The following PREPL variants were observed in gnomAD, a reference collection of about 807,000 sequenced individuals.
The protein encoded by PREPL is prolyl endopeptidase like.
Under a neutral mutation model 70.6 loss-of-function variants are expected in PREPL, and 77 were observed. The ratio of observed to expected loss-of-function variants is 1.09; its 90% CI spans 0.91 to 1.32. The LOEUF (loss-of-function observed/expected upper bound fraction) is 1.32, where lower values mean the gene tolerates loss of function less well. Ranked by LOEUF, PREPL falls within the 40% of genes most tolerant of loss-of-function variation. The probability of loss-of-function intolerance (pLI) is 0.00; values close to 1 mark genes in which losing one functional copy is unlikely to be tolerated. For synonymous variants in PREPL, 315 were observed against 264.8 expected (o/e 1.19, Z -1.84); for missense variants, 1,002 against 778.2 (o/e 1.29, Z -3.42).
chr2:44,321,987 G>C, intron 12 of PREPL, 87 bp from the exon 13 acceptor site: 1 of 1,339,356 alleles, frequency 7.5e-7, no homozygotes, highest in Non-Finnish European at 1.0e-6. Context: ...TCTTCTTTGA[G>C]TACTCAGTTC....
At position 44,321,224 on chromosome 2, in the gene PREPL, A is replaced by T; in HGVS notation, c.*132T>A. On this transcript the variant is annotated 3_prime_UTR_variant, in exon 14 of 14. Transcript: ENST00000409411. The stretch of plus-strand genomic sequence containing the variant: ...GAGATGTAGACTAAGCAAAATTTAG[A>T]TGGAGAAGCACATTTTAAAAAATTA... 2.5e-6 allele frequency: 2 copies of T among 790,700 alleles called. No homozygotes were observed. The highest frequency in any genetic ancestry group is 3.8e-5 in the South Asian group (2 of 52,522). 49.0% of individuals were successfully genotyped at this position (790,700 alleles called of 1,614,324 possible).
rs559285849 is a variant in PREPL at position 44,321,207 on chromosome 2, G to C, written c.*149C>G. The C allele has an allele frequency of 3.6e-5, 25 of 701,148 alleles. No homozygotes were observed. Among genetic ancestry groups the C allele is most frequent in the Admixed American group, 2.3e-4 (8 of 35,034 alleles). The allele number at this position is 701,148 out of a possible 1,614,324, so 43.4% of individuals were successfully genotyped here. A position where few individuals can be genotyped will look rare whatever the true frequency, so the allele number is the denominator to read the frequency against. On this transcript the variant is annotated 3_prime_UTR_variant, in exon 14 of 14. Coordinates refer to ENST00000409411, the MANE Select transcript of PREPL (RefSeq NM_001171613.2). ...GAATAGTATAAGCAAGTGAGATGTAGACTAAGCAAAATTTAGATGGAGAAG... is the reference window on the plus strand; with the variant it reads ...GAATAGTATAAGCAAGTGAGATGTACACTAAGCAAAATTTAGATGGAGAAG...
chr2:44,351,296 C>A (rs1041210955), intron 1 of PREPL, among the ~76,000 whole-genome samples: 1 of 152,042 alleles, frequency 6.6e-6, no homozygotes, highest in Non-Finnish European at 1.5e-5. Flanking sequence ...CTCTTCTTTG[C>A]AGTCTGCACT....
intron 4 of PREPL, 50 bp downstream of exon 4, chr2:44,343,695 G>A: frequency 6.6e-7 from 1 of 1,524,966 alleles, no homozygotes; most frequent in Non-Finnish European, 9.1e-7. Flanking sequence ...TGTTTCAAAA[G>A]TGTTACCGTT....
chr2:44,354,306 T>A (rs532650195), intron 1 of PREPL, among the ~76,000 whole-genome samples: 1 of 152,218 alleles, frequency 6.6e-6, no homozygotes, highest in African/African-American at 2.4e-5. Flanking sequence ...TATAAACACG[T>A]TGCTTATCTA....
At chr2:44,359,433 C>G (rs903937317) in intron 1 of PREPL, 9 of 1,246,586 alleles carry the variant, frequency 7.2e-6, no homozygotes, top group Non-Finnish European at 1.0e-5. Flanking sequence ...TCTACCCATT[C>G]TTTATTTTTA....
At chr2:44,341,064 G>A (rs994220675) in intron 5 of PREPL, among the ~76,000 whole-genome samples, 6 of 151,636 alleles carry the variant, frequency 4.0e-5, no homozygotes, top group South Asian at 2.1e-4. Context: ...TTACGTAATC[G>A]AGACTGCTAC....
intron 3 of PREPL, 54 bp downstream of exon 3, chr2:44,344,465 TA>T (rs1268781700): frequency 6.1e-5 from 75 of 1,238,172 alleles, no homozygotes; most frequent in East Asian, 3.3e-4. Context: ...AAATTTCCTA[TA>T]AAAAATATGA....
chr2:44,359,033 T>C (rs994210978), intron 1 of PREPL, among the ~76,000 whole-genome samples: 2 of 151,734 alleles, frequency 1.3e-5, no homozygotes, highest in Admixed American at 1.3e-4. Context: ...CATTTTTATA[T>C]ATTACATTAG....
chr2:44,327,637 G>T (rs1341963624), intron 9 of PREPL, among the ~76,000 whole-genome samples: 1 of 152,124 alleles, frequency 6.6e-6, no homozygotes, highest in African/African-American at 2.4e-5. Flanking sequence ...GAGGTGAGCA[G>T]GTCACTTGAG....
chr2:44,358,228 G>C (rs1486576990), intron 1 of PREPL, among the ~76,000 whole-genome samples: 2 of 152,120 alleles, frequency 1.3e-5, no homozygotes, highest in Non-Finnish European at 2.9e-5. Flanking sequence ...ACTATAAAAA[G>C]AAATGAAGTT....
intron 12 of PREPL, among the ~76,000 whole-genome samples, 155 bp downstream of exon 12, chr2:44,322,576 T>A (rs891519346): frequency 6.6e-6 from 1 of 152,212 alleles, no homozygotes; most frequent in African/African-American, 2.4e-5. Context: ...TGTAGTTACG[T>A]ACACTTTAAC....
At position 44,336,699 on chromosome 2, in the gene PREPL, C is replaced by T. The variant is rs142458413; in HGVS notation, c.888+1652G>A. Among the ~76,000 whole-genome samples the T allele has an allele frequency of 5.9e-3, 898 of 152,088 alleles. 12 individuals are homozygous for T. Among genetic ancestry groups the T allele is most frequent in the African/African-American group, 0.02 (843 of 41,492 alleles). On this transcript the variant is annotated intron_variant, in intron 7 of 13. Transcript: ENST00000409411. ...AGTAAAAGTTAAAAAAAAAGAAATGCTATCTAAAATAATAATATTAAAATT... is the reference window on the plus strand; with the variant it reads ...AGTAAAAGTTAAAAAAAAAGAAATGTTATCTAAAATAATAATATTAAAATT...
chr2:44,324,317 T>C (rs1384507181), intron 10 of PREPL, among the ~76,000 whole-genome samples: 1 of 152,176 alleles, frequency 6.6e-6, no homozygotes, highest in Non-Finnish European at 1.5e-5. Context: ...AAACGAGTTC[T>C]GGAGATTGAC....
rs771528997 is a variant in PREPL at position 44,343,940 on chromosome 2, T to G, written c.154A>C (p.Asn52His). The G allele has an allele frequency of 5.0e-6, 8 of 1,613,694 alleles. No homozygotes were observed. In the Admixed American group the frequency reaches 1.3e-4, roughly 27 times the overall value. The change falls in exon 4 of 14, where the codon AAT (asparagine) becomes CAT (histidine). Residue 52 changes from asparagine to histidine, a missense_variant. Asn to His is a moderately conservative substitution (Grantham distance 68). Coordinates refer to ENST00000409411, the MANE Select transcript of PREPL (RefSeq NM_001171613.2). ...TCCAAATTGAATAAAACTTCATAAT[T>G]ATCATTGTCTGCTGTATAAAGAAAA... ...RSKDEEADND[N>H]YEVLFNLEEL...
intron 8 of PREPL, among the ~76,000 whole-genome samples, chr2:44,330,010 C>A (rs1673929238): frequency 6.6e-6 from 1 of 152,200 alleles, no homozygotes; most frequent in South Asian, 2.1e-4. Context: ...GGGGCAATAA[C>A]TGGAGACAGC....
rs1672911849 is a variant in PREPL, at chr2:44,321,243, A to G, written c.*113T>C. On this transcript the variant is annotated 3_prime_UTR_variant, in exon 14 of 14. Coordinates refer to ENST00000409411, the MANE Select transcript of PREPL (RefSeq NM_001171613.2). The stretch of plus-strand genomic sequence containing the variant: ...ATTTAGATGGAGAAGCACATTTTAA[A>G]AAATTAATAACTTAAAAGTCTCAAG... 2.1e-6 allele frequency: 2 copies of G among 958,762 alleles called. No individual in the cohort carries two copies. The highest frequency in any genetic ancestry group is 1.7e-5 in the African/African-American group (1 of 59,988). The allele number at this position is 958,762 out of a possible 1,614,324, so 59.4% of individuals were successfully genotyped here. A position where few individuals can be genotyped will look rare whatever the true frequency, so the allele number is the denominator to read the frequency against.
Position 44,326,844 on chromosome 2 carries a change from G to T in PREPL, c.1347C>A (p.Cys449Ter). 1 of 1,614,158 alleles carries T rather than the reference G, an allele frequency of 6.2e-7. No individual in the cohort carries two copies. The highest frequency in any genetic ancestry group is 8.5e-7 in the Non-Finnish European group (1 of 1,180,014). Residue 449 changes from cysteine to a stop codon, truncating the protein, a stop_gained, in exon 10 of 14, where the codon TGC becomes TGA. Coordinates refer to ENST00000409411, the MANE Select transcript of PREPL (RefSeq NM_001171613.2). LOFTEE classifies it high-confidence loss of function. ...AGCCTTGGCCATGAAGCGTCTTAATGCAAGCCTCTAAATCAGCAAGGCCAT... is the reference window on the plus strand; with the variant it reads ...AGCCTTGGCCATGAAGCGTCTTAATTCAAGCCTCTAAATCAGCAAGGCCAT... ...KLNGLADLEA[C>*]IKTLHGQGFS...
At chr2:44,342,283 T>C in intron 5 of PREPL, 134 bp downstream of exon 5, 1 of 755,728 alleles carries the variant, frequency 1.3e-6, no homozygotes, top group Non-Finnish European at 2.0e-6. Context: ...AAACAACTAA[T>C]AAAAGAATGA....
Sources: gnomAD v4.1 joint callset for allele counts (sites outside exome capture counted in the v4.1 genomes callset) on GRCh38, gnomAD v4.1.1 for gene constraint, MANE v1.5 for transcripts, NCBI Gene and HGNC (gene_info 2026-07-23, HGNC 2026-07-21) for gene names.